ABL1: variants seen among roughly 807,000 people sequenced by gnomAD.
The protein encoded by ABL1 is ABL proto-oncogene 1, non-receptor tyrosine kinase.
Under a neutral mutation model 94.7 loss-of-function variants are expected in ABL1, and 11 were observed. The observed-to-expected ratio is 0.12, with a 90% CI of 0.07 to 0.19. The LOEUF is 0.19. ABL1 is among the 10% of genes least tolerant of loss of function. The pLI is 1.00. For synonymous variants in ABL1, 656 were observed against 622.4 expected (o/e 1.05, Z -0.80); for missense variants, 1,082 against 1,489.4 (o/e 0.73, Z 4.50).
chr9:130,714,175 GTCTT>G, exon 1 of ABL1: 1 of 747,612 alleles, frequency 1.3e-6, no homozygotes, highest in Non-Finnish European at 1.9e-6. Context: ...TATGGAAGAT[GTCTT>G]TCTGTGATTG....
chr9:130,838,504 T>C (rs965724796), intron 1 of ABL1, among the ~76,000 whole-genome samples: 2 of 152,206 alleles, frequency 1.3e-5, no homozygotes, highest in Non-Finnish European at 2.9e-5. Context: ...CTATTCATTT[T>C]CCCCACCTAG....
intron 4 of ABL1, among the ~76,000 whole-genome samples, chr9:130,866,095 C>T (rs533709702): frequency 6.6e-6 from 1 of 152,238 alleles, no homozygotes; most frequent in South Asian, 2.1e-4. Context: ...GATCTGAGCT[C>T]CGAAACACTT....
At chr9:130,851,766 C>CTTTTT (rs149948786) in intron 1 of ABL1, among the ~76,000 whole-genome samples, 4 of 122,792 alleles carry the variant, frequency 3.3e-5, no homozygotes, top group Non-Finnish European at 5.1e-5. Context: ...CTCTCTTTTT[C>CTTTTT]TTTTTTTTTT....
At chr9:130,739,610 G>A (rs2132709749) in intron 1 of ABL1, among the ~76,000 whole-genome samples, 1 of 152,246 alleles carries the variant, frequency 6.6e-6, no homozygotes, top group South Asian at 2.1e-4. Flanking sequence ...AAAAGTAGGT[G>A]CCCTAAGACC....
At chr9:130,816,952 C>T (rs1003965368) in intron 1 of ABL1, among the ~76,000 whole-genome samples, 4 of 151,992 alleles carry the variant, frequency 2.6e-5, no homozygotes, top group African/African-American at 7.3e-5. Flanking sequence ...TGATTCCCCC[C>T]GCCTTGGCCT....
chr9:130,825,892 C>T (rs1253157927), intron 1 of ABL1, among the ~76,000 whole-genome samples: 4 of 152,184 alleles, frequency 2.6e-5, no homozygotes, highest in South Asian at 2.1e-4. Context: ...TCGCCATCAG[C>T]GAAATTAAGA....
chr9:130,884,795 A>G lies in ABL1; in HGVS notation c.2505A>G (p.Glu835=). 1 of 1,610,096 alleles carries G rather than the reference A, an allele frequency of 6.2e-7. No homozygotes were observed. The highest frequency in any genetic ancestry group is 8.5e-7 in the Non-Finnish European group (1 of 1,178,250). Residue 835 remains glutamate (E), a synonymous_variant, in exon 11 of 11, where the codon GAA becomes GAG. Transcript: ENST00000318560. This position sits in a 1 kb window ranked among gnomAD's most constrained non-coding sequence, Gnocchi z 5.6. ...CCTCGGGCCTCCCCCACAAGGAAGA[A>G]GCTGGAAAGGGCAGTGCCTTAGGGA... ...APASGLPHKE[E]AGKGSALGTP... is the part of the protein sequence containing the mutation.
At chr9:130,766,697 T>C (rs1832187978) in intron 1 of ABL1, among the ~76,000 whole-genome samples, 1 of 152,092 alleles carries the variant, frequency 6.6e-6, no homozygotes, top group Non-Finnish European at 1.5e-5. Flanking sequence ...TCTTGTCCGA[T>C]ACAGTCACAA....
chr9:130,836,631 C>G (rs1182679658), intron 1 of ABL1, among the ~76,000 whole-genome samples: 1 of 151,956 alleles, frequency 6.6e-6, no homozygotes, highest in East Asian at 1.9e-4. Context: ...CGAGACCAGC[C>G]TGGCCAACAT....
At chr9:130,759,643 A>G (rs1200089404) in intron 1 of ABL1, among the ~76,000 whole-genome samples, 1 of 152,170 alleles carries the variant, frequency 6.6e-6, no homozygotes, top group East Asian at 1.9e-4. Context: ...AAATTCCAAC[A>G]GTGTAAAAAC....
intron 1 of ABL1, among the ~76,000 whole-genome samples, chr9:130,730,046 C>CTTTTTT (rs138446676): frequency 1.9e-5 from 2 of 107,168 alleles, no homozygotes; most frequent in African/African-American, 3.9e-5. Context: ...CCCAGCCAGA[C>CTTTTTT]TTTTTTTTTT....
At chr9:130,715,061 G>A (rs1831420335) in intron 1 of ABL1, among the ~76,000 whole-genome samples, 1 of 152,220 alleles carries the variant, frequency 6.6e-6, no homozygotes, top group African/African-American at 2.4e-5. Flanking sequence ...TCCATAAGGA[G>A]TAATCTCTTC....
intron 1 of ABL1, among the ~76,000 whole-genome samples, chr9:130,719,596 G>T (rs1183969091): frequency 2.6e-5 from 4 of 152,094 alleles, no homozygotes; most frequent in African/African-American, 9.7e-5. Flanking sequence ...ACTTTTTTCA[G>T]ATCCCTTTTT....
intron 1 of ABL1, among the ~76,000 whole-genome samples, chr9:130,851,918 A>G (rs951177265): frequency 8.6e-5 from 13 of 151,418 alleles, no homozygotes; most frequent in African/African-American, 3.2e-4. Context: ...GGTACCCGCC[A>G]CTAATTTTCA....
chr9:130,730,998 CTTTTTTTTTTTTTT>C (rs11300328), intron 1 of ABL1, among the ~76,000 whole-genome samples: 1 of 64,464 alleles, frequency 1.6e-5, no homozygotes, highest in Non-Finnish European at 2.7e-5. Context: ...CTCTATCTCT[CTTTTTTTTTTTTTT>C]TTTTTTTTTT....
chr9:130,798,966 C>CAAAAAAAA (rs71389357), intron 1 of ABL1, among the ~76,000 whole-genome samples: 1,186 of 66,602 alleles, frequency 0.018, 86 homozygotes, highest in African/African-American at 0.058. Flanking sequence ...GACTCCGTCT[C>CAAAAAAAA]AAAAAAAAAA....
At chr9:130,828,633 G>A (rs1474464365) in intron 1 of ABL1, among the ~76,000 whole-genome samples, 2 of 152,146 alleles carry the variant, frequency 1.3e-5, no homozygotes, top group African/African-American at 2.4e-5. Flanking sequence ...CTTGAACCCA[G>A]GAGGCAGAAG....
rs148161029 is a variant in ABL1, at chr9:130,855,048, C to T, written c.501C>T (p.Tyr167=). 238 of 1,614,094 alleles carry T rather than the reference C, an allele frequency of 1.5e-4. No homozygotes were observed. In the African/African-American group the frequency reaches 2.7e-3, roughly 18 times the overall value. The change falls in exon 3 of 11, where the codon TAC becomes TAT. Residue 167 remains tyrosine (Y), a synonymous_variant. Coordinates refer to ENST00000318560, the MANE Select transcript of ABL1 (RefSeq NM_005157.6). Reference sequence around the variant, plus strand: ...GCCAGAGGTCCATCTCGCTGAGATACGAAGGGAGGGTGTACCATTACAGGA... The same window carrying T: ...GCCAGAGGTCCATCTCGCTGAGATATGAAGGGAGGGTGTACCATTACAGGA... ...SPGQRSISLR[Y]EGRVYHYRIN...
chr9:130,777,510 G>A (rs910057759), intron 1 of ABL1, among the ~76,000 whole-genome samples: 5 of 147,294 alleles, frequency 3.4e-5, no homozygotes, highest in Admixed American at 6.7e-5. Context: ...CAGGGGAATC[G>A]AGGAACCTCT....
Sources: gnomAD v4.1 joint callset for allele counts (sites outside exome capture counted in the v4.1 genomes callset) on GRCh38, gnomAD v4.1.1 for gene constraint, Gnocchi (gnomAD v3.1) non-coding constraint, MANE v1.5 for transcripts, NCBI Gene and HGNC (gene_info 2026-07-23, HGNC 2026-07-21) for gene names.